H4C15: variants seen among roughly 807,000 people sequenced by gnomAD.
H4C15 encodes the protein histone H4.
chr1:149,850,821 G>C (rs1553757763), downstream of H4C15: 1 of 169,984 alleles, frequency 5.9e-6, no homozygotes, highest in Admixed American at 1.6e-4. Flanking sequence ...AAGCAGAGCG[G>C]TAGGCTCGGG....
chr1:149,849,303 A>C (rs1335042562), downstream of H4C15, among the ~76,000 whole-genome samples: 1 of 152,214 alleles, frequency 6.6e-6, no homozygotes, highest in Non-Finnish European at 1.5e-5. Flanking sequence ...GAACCTGGGA[A>C]TTTTCATTTT....
downstream of H4C15, among the ~76,000 whole-genome samples, chr1:149,855,747 TGTGTGTGTGTGTGTGTGTGTGA>T (rs1406251272): frequency 7.1e-5 from 2 of 28,314 alleles, no homozygotes; most frequent in African/African-American, 2.4e-4. Context: ...TGTGTGTGTG[TGTGTGTGTGTGTGTGTGTGTGA>T]GAGAGAGAGA....
chr1:149,849,683 A>G (rs1450001839), downstream of H4C15, among the ~76,000 whole-genome samples: 3 of 152,208 alleles, frequency 2.0e-5, no homozygotes, highest in Admixed American at 2.0e-4. Context: ...GAAAAAAACC[A>G]TTTAATGGTA....
the H4C15 span, chr1:149,845,185 G>A: frequency 3.3e-5 from 5 of 152,026 alleles, no homozygotes; most frequent in Admixed American, 6.5e-5. Flanking sequence ...ATTCACACAG[G>A]TATGAAAGCA....
chr1:149,850,273 G>A (rs1553757595), downstream of H4C15: 1 of 1,330,934 alleles, frequency 7.5e-7, no homozygotes, highest in African/African-American at 1.4e-5. Flanking sequence ...GACAACACAA[G>A]AAAGATTCTT....
At chr1:149,849,907 G>C (rs2092166278), downstream of H4C15, among the ~76,000 whole-genome samples, 3 of 152,316 alleles carry the variant, frequency 2.0e-5, no homozygotes, top group African/African-American at 7.2e-5. Context: ...ACACATCTGA[G>C]AGCATACAAT....
chr1:149,844,598 A>G, the H4C15 span: 1 of 152,218 alleles, frequency 6.6e-6, no homozygotes. Context: ...AGATAAAGGC[A>G]TAATACAAAC....
the H4C15 span, chr1:149,844,825 T>C: frequency 6.6e-6 from 1 of 151,998 alleles, no homozygotes; most frequent in Non-Finnish European, 1.5e-5. Flanking sequence ...AAAAAAGCTT[T>C]TCAAAGCTTC....
the H4C15 span, chr1:149,844,650 C>T: frequency 6.6e-6 from 1 of 152,168 alleles, no homozygotes; most frequent in East Asian, 1.9e-4. Flanking sequence ...TCCTGGTAGC[C>T]CCTTGCTTTT....
chr1:149,847,409 T>C, the H4C15 span: 15 of 152,374 alleles, frequency 9.8e-5, no homozygotes, highest in East Asian at 2.5e-3. Context: ...CCCTAGTTGC[T>C]TAGAATTTTG....
downstream of H4C15, chr1:149,850,177 G>C: frequency 3.0e-6 from 2 of 662,808 alleles, no homozygotes; most frequent in South Asian, 1.7e-5. Context: ...CAATGCCTAT[G>C]TGAAAAGAAA....
downstream of H4C15, chr1:149,850,192 T>A (rs587659893): frequency 1.4e-6 from 1 of 698,282 alleles, no homozygotes; most frequent in South Asian, 1.6e-5. Context: ...AAGAAAATAG[T>A]TATCTGTGCT....
chr1:149,849,308 C>T (rs2092159263), downstream of H4C15, among the ~76,000 whole-genome samples: 1 of 152,194 alleles, frequency 6.6e-6, no homozygotes, highest in African/African-American at 2.4e-5. Context: ...TGGGAATTTT[C>T]ATTTTTAGTA....
chr1:149,849,113 T>C (rs2092157608), downstream of H4C15: 1 of 152,234 alleles, frequency 6.6e-6, no homozygotes. Context: ...AAGCCAAAAA[T>C]CTAGGGGTTT....
At chr1:149,849,344 G>C (rs868917946), downstream of H4C15, among the ~76,000 whole-genome samples, 10 of 152,162 alleles carry the variant, frequency 6.6e-5, no homozygotes, top group Non-Finnish European at 1.2e-4. Flanking sequence ...GATGCTGCTG[G>C]TCTGGAGAGA....
At chr1:149,847,090 T>C in the H4C15 span, 1 of 152,228 alleles carries the variant, frequency 6.6e-6, no homozygotes. Context: ...CTTCCCTCTG[T>C]CTTCAAAGCA....
the H4C15 span, chr1:149,848,778 CAAT>C: frequency 6.6e-6 from 1 of 152,302 alleles, no homozygotes; most frequent in African/African-American, 2.4e-5. Context: ...GCTACCTAGT[CAAT>C]AACATACATT....
downstream of H4C15, chr1:149,850,651 G>A: frequency 2.2e-6 from 1 of 460,738 alleles, no homozygotes; most frequent in South Asian, 2.1e-5. Flanking sequence ...CCTTGTACAC[G>A]TAGATGGAGT....
chr1:149,846,248 T>G, the H4C15 span: 2 of 152,332 alleles, frequency 1.3e-5, no homozygotes, highest in South Asian at 4.1e-4. Flanking sequence ...AATAACCAGA[T>G]GTCTAAGTCA....
Sources: allele counts gnomAD v4.1 joint callset (sites outside exome capture counted in the v4.1 genomes callset), GRCh38; gene constraint gnomAD v4.1.1; transcripts MANE v1.5; gene names NCBI Gene and HGNC (gene_info 2026-07-23, HGNC 2026-07-21).